PLCG2: variants seen among roughly 807,000 people sequenced by gnomAD.
PLCG2 encodes 1-phosphatidylinositol 4,5-bisphosphate phosphodiesterase gamma-2.
In PLCG2, 69 loss-of-function variants were observed where a neutral mutation model predicts 175.6. The observed-to-expected ratio is 0.39, with a 90% CI of 0.32 to 0.48. The LOEUF is 0.48. PLCG2 is among the 20% of genes least tolerant of loss of function. The pLI is 0.91. For synonymous variants in PLCG2, 827 were observed against 624.0 expected, an observed-to-expected ratio of 1.33 and a Z score of -4.85; for missense variants, 1,798 against 1,650.9, an observed-to-expected ratio of 1.09 and a Z score of -1.54.
At position 81,888,820 on chromosome 16, in the gene PLCG2, T is replaced by G. The variant is rs543306302; in HGVS notation, c.766-352T>G. 6.6e-5 allele frequency among the ~76,000 whole-genome samples: 10 copies of G among 152,344 alleles called. 1 individual carries two copies. The highest frequency in any genetic ancestry group is 6.5e-4 in the Admixed American group (10 of 15,306). On this transcript the variant is annotated intron_variant, in intron 9 of 32. Transcript: ENST00000564138. ...CCATGACCTATGGACCAAATATAGC[T>G]GACCACTTGTTTTTATAAACAAAAT...
chr16:81,956,303 T>C (rs1911565932), intron 31 of PLCG2, among the ~76,000 whole-genome samples: 1 of 152,178 alleles, frequency 6.6e-6, no homozygotes. Flanking sequence ...GTCATGCTGT[T>C]TTTTTCTCCT....
At chr16:81,826,193 C>T (rs1298901371) in intron 2 of PLCG2, among the ~76,000 whole-genome samples, 1 of 152,176 alleles carries the variant, frequency 6.6e-6, no homozygotes, top group Non-Finnish European at 1.5e-5. Flanking sequence ...CCTCCTCGGC[C>T]CCTTTGCCAC....
chr16:81,874,709 G>T (rs1567510152), intron 7 of PLCG2, among the ~76,000 whole-genome samples: 1 of 152,134 alleles, frequency 6.6e-6, no homozygotes, highest in Non-Finnish European at 1.5e-5. Context: ...CAGCCAAATG[G>T]TTTCCATCGT....
intron 5 of PLCG2, among the ~76,000 whole-genome samples, chr16:81,866,171 G>T (rs1168290879): frequency 3.8e-4 from 42 of 109,842 alleles, no homozygotes; most frequent in African/African-American, 1.6e-3. Flanking sequence ...GAGGACGCTG[G>T]CCTCTCCCTT....
intron 1 of PLCG2, among the ~76,000 whole-genome samples, chr16:81,744,855 T>G (rs1330206218): frequency 6.6e-6 from 1 of 152,154 alleles, no homozygotes; most frequent in Non-Finnish European, 1.5e-5. Context: ...CATGAGCTAC[T>G]GCTCCCAGCC....
chr16:81,858,274 G>A lies in PLCG2; in HGVS notation c.349G>A (p.Glu117Lys). 1 of 1,612,252 alleles carries A rather than the reference G, an allele frequency of 6.2e-7. No individual in the cohort carries two copies. The highest frequency in any genetic ancestry group is 8.5e-7 in the Non-Finnish European group (1 of 1,178,260). The change falls in exon 4 of 33, where the codon GAG becomes AAG. Residue 117 changes from glutamate (E) to lysine (K), a missense_variant. Transcript: ENST00000564138. ...STLSLAADSK[E>K]DAVNWLSGLK... ...TTTCTCCACTCCAGCTGACTCTAAA[G>A]AGGATGCAGTTAACTGGCTCTCTGG...
intron 2 of PLCG2, among the ~76,000 whole-genome samples, chr16:81,805,771 T>TTG (rs1567473536): frequency 4.6e-5 from 4 of 87,878 alleles, no homozygotes; most frequent in African/African-American, 1.8e-4. Context: ...TGTTTTGTTT[T>TTG]TTTTTTTTTT....
chr16:81,851,895 T>A (rs1248892797), intron 2 of PLCG2, among the ~76,000 whole-genome samples: 1 of 152,216 alleles, frequency 6.6e-6, no homozygotes, highest in East Asian at 1.9e-4. Flanking sequence ...TTTGAGTGCA[T>A]CCCATCCCCT....
chr16:81,883,147 AAC>A (rs1352456813), intron 8 of PLCG2, 120 bp from the exon 9 acceptor site: 2 of 775,796 alleles, frequency 2.6e-6, no homozygotes, highest in East Asian at 5.0e-5. Context: ...CCTGGTACCT[AAC>A]ACAGTGCCAG....
upstream of PLCG2, among the ~76,000 whole-genome samples, chr16:81,778,021 A>AAAAAAC (rs1910489685): frequency 1.5e-5 from 1 of 67,118 alleles, no homozygotes; most frequent in Non-Finnish European, 3.0e-5. Context: ...TGTCTCAAAA[A>AAAAAAC]AAAAAAAAAA....
intron 1 of PLCG2, among the ~76,000 whole-genome samples, chr16:81,747,417 C>A (rs1174616148): frequency 6.6e-6 from 1 of 152,094 alleles, no homozygotes; most frequent in Non-Finnish European, 1.5e-5. Context: ...TGCCTGTAGT[C>A]CCAGCTACAC....
At chr16:81,954,741 GA>G (rs1911499228) in intron 31 of PLCG2, among the ~76,000 whole-genome samples, 1 of 152,132 alleles carries the variant, frequency 6.6e-6, no homozygotes, top group African/African-American at 2.4e-5. Flanking sequence ...GTCTATCACT[GA>G]TGGGCATTTG....
intron 14 of PLCG2, among the ~76,000 whole-genome samples, chr16:81,904,663 T>C (rs546821765): frequency 6.6e-6 from 1 of 152,286 alleles, no homozygotes; most frequent in African/African-American, 2.4e-5. Context: ...TGTTGTTGTT[T>C]ATTCACCGAG....
chr16:81,784,385 G>T (rs1296326928), intron 1 of PLCG2, among the ~76,000 whole-genome samples: 2 of 152,182 alleles, frequency 1.3e-5, no homozygotes, highest in Non-Finnish European at 2.9e-5. Context: ...GCCCCTTGTG[G>T]GCATTTAACC....
chr16:81,747,956 C>G (rs944769510), intron 1 of PLCG2, among the ~76,000 whole-genome samples: 3 of 152,078 alleles, frequency 2.0e-5, no homozygotes, highest in Non-Finnish European at 2.9e-5. Flanking sequence ...GTCACTGCAA[C>G]CTCTGCGTCC....
At chr16:81,805,930 G>C (rs1234754140) in intron 2 of PLCG2, among the ~76,000 whole-genome samples, 1 of 151,844 alleles carries the variant, frequency 6.6e-6, no homozygotes, top group Admixed American at 6.6e-5. Context: ...GTGAGCCACT[G>C]TACGCAGTCA....
intron 1 of PLCG2, among the ~76,000 whole-genome samples, chr16:81,785,371 G>A (rs576887266): frequency 2.0e-5 from 3 of 152,294 alleles, no homozygotes; most frequent in South Asian, 2.1e-4. Flanking sequence ...CTTCTCTAGG[G>A]TTTGAACGTG....
Position 81,934,413 on chromosome 16 carries a change from A to G in PLCG2, c.2740-16A>G, listed in dbSNP as rs777484937. ...TTTCTCGGGGGCGGGCACTAAAGAC[A>G]GTGAACTCCAAACAGGAGAACAACA... On this transcript the variant is annotated splice_polypyrimidine_tract_variant and intron_variant, in intron 25 of 32. Transcript: ENST00000564138. 9.7e-6 allele frequency: 15 copies of G among 1,545,344 alleles called. No homozygotes were observed. In the East Asian group the frequency reaches 2.9e-4, roughly 30 times the overall value.
At chr16:81,847,738 A>C (rs1334278814) in intron 2 of PLCG2, among the ~76,000 whole-genome samples, 1 of 152,228 alleles carries the variant, frequency 6.6e-6, no homozygotes, top group South Asian at 2.1e-4. Flanking sequence ...TGAGCAATAC[A>C]GTATAATTAT....
Sources: allele counts gnomAD v4.1 joint callset (sites outside exome capture counted in the v4.1 genomes callset), GRCh38; gene constraint gnomAD v4.1.1; transcripts MANE v1.5; gene names NCBI Gene and HGNC (gene_info 2026-07-23, HGNC 2026-07-21).